The following LRRC4C variants were observed in gnomAD, a reference collection of about 807,000 sequenced individuals.
LRRC4C encodes leucine rich repeat containing 4C, also known as leucine-rich repeat-containing protein 4C.
A neutral mutation model predicts 33.6 loss-of-function variants in LRRC4C; 5 were observed. That is an observed-to-expected ratio of 0.15 (90% CI 0.08 to 0.31). The LOEUF (loss-of-function observed/expected upper bound fraction) is 0.31. Ranked by LOEUF, LRRC4C falls within the 10% of genes least tolerant of loss-of-function variation. LRRC4C has a pLI of 1.00. For missense variants in LRRC4C, 560 were observed against 796.7 expected (o/e 0.70, Z 3.58); for synonymous variants, 329 against 302.0 (o/e 1.09, Z -0.93).
rs77810794 is a variant in LRRC4C at position 40,859,389 on chromosome 11, G to C, written c.-407+74246C>G. Among the ~76,000 whole-genome samples, 225 of 152,108 alleles carry C rather than the reference G, an allele frequency of 1.5e-3. 2 individuals carry two copies. The highest frequency in any genetic ancestry group is 5.2e-3 in the African/African-American group (217 of 41,494). On this transcript the variant is annotated intron_variant, in intron 2 of 6. Transcript: ENST00000528697. ...TGAGAGGCTCGTAGACTTATGTATT[G>C]TATATCTAGCATGCAGTAGAAACTC...
At chr11:41,180,080 T>C (rs759941613) in intron 1 of LRRC4C, among the ~76,000 whole-genome samples, 20 of 152,240 alleles carry the variant, frequency 1.3e-4, no homozygotes, top group Non-Finnish European at 2.2e-4. Context: ...GAAAATCTAA[T>C]AGTTGAGTAG....
chr11:40,801,986 T>A (rs1951062484), intron 2 of LRRC4C, among the ~76,000 whole-genome samples: 1 of 152,212 alleles, frequency 6.6e-6, no homozygotes, highest in South Asian at 2.1e-4. Context: ...CAGGGAGGAC[T>A]AATACAGACT....
Position 41,239,722 on chromosome 11 carries a change from C to G in LRRC4C, c.-496+219709G>C, listed in dbSNP as rs112992171. Among the ~76,000 whole-genome samples the G allele has an allele frequency of 8.2e-4, 125 of 152,216 alleles. 1 individual carries two copies. Among genetic ancestry groups the G allele is most frequent in the Admixed American group, 1.8e-3 (28 of 15,296 alleles). On this transcript the variant is annotated intron_variant, in intron 1 of 6. Coordinates refer to ENST00000528697, the MANE Select transcript of LRRC4C (RefSeq NM_001258419.2). ...CTTTTGTTTTTCTCTTCCATTCCAA[C>G]AGAACATGAGTTCCAAGGTCAGGGA...
intron 3 of LRRC4C, among the ~76,000 whole-genome samples, chr11:40,437,806 C>T (rs543536346): frequency 1.2e-4 from 18 of 152,296 alleles, no homozygotes; most frequent in African/African-American, 3.4e-4. Context: ...CTTCCAGGTT[C>T]GAACAATTCT....
At chr11:40,219,233 C>G (rs752071807) in intron 5 of LRRC4C, among the ~76,000 whole-genome samples, 23 of 152,166 alleles carry the variant, frequency 1.5e-4, no homozygotes, top group Admixed American at 4.6e-4. Flanking sequence ...TTCAAGTATT[C>G]AATGGTCACC....
At chr11:40,952,894 A>ACT (rs1225735080) in intron 1 of LRRC4C, among the ~76,000 whole-genome samples, 21 of 51,078 alleles carry the variant, frequency 4.1e-4, no homozygotes, top group African/African-American at 1.0e-3. Flanking sequence ...ACACACACAC[A>ACT]CACTCTCTCT....
chr11:40,408,949 A>C (rs1950059733), intron 3 of LRRC4C, among the ~76,000 whole-genome samples: 1 of 151,988 alleles, frequency 6.6e-6, no homozygotes. Flanking sequence ...TGAATAGCCA[A>C]AGCAATCTTA....
chr11:40,218,734 T>TCTATCTAG (rs974934077), intron 5 of LRRC4C, among the ~76,000 whole-genome samples: 3 of 151,334 alleles, frequency 2.0e-5, no homozygotes, highest in Non-Finnish European at 4.4e-5. Context: ...TATCTATCTA[T>TCTATCTAG]CTATCTATCC....
intron 5 of LRRC4C, among the ~76,000 whole-genome samples, chr11:40,156,112 C>T (rs1858670887): frequency 6.6e-6 from 1 of 152,144 alleles, no homozygotes; most frequent in South Asian, 2.1e-4. Flanking sequence ...ACATGATCAT[C>T]TCAATACATG....
At position 40,309,773 on chromosome 11, in the gene LRRC4C, C is replaced by T. The variant is rs80322457; in HGVS notation, c.-176+9855G>A. 5.3e-3 allele frequency among the ~76,000 whole-genome samples: 806 copies of T among 152,260 alleles called. 5 individuals are homozygous for T. Among genetic ancestry groups the T allele is most frequent in the African/African-American group, 0.019 (774 of 41,550 alleles). On this transcript the variant is annotated intron_variant, in intron 4 of 6. Coordinates refer to ENST00000528697, the MANE Select transcript of LRRC4C (RefSeq NM_001258419.2). The stretch of plus-strand genomic sequence containing the variant: ...CCACCTTCCTGGACCTCCCAAAATG[C>T]TGGGATGACAGGCAAGAGACACCAT...
At chr11:40,492,008 A>G (rs1954184005) in intron 3 of LRRC4C, among the ~76,000 whole-genome samples, 1 of 152,150 alleles carries the variant, frequency 6.6e-6, no homozygotes, top group African/African-American at 2.4e-5. Context: ...TTGAATTGAC[A>G]CAGTTTATTA....
At chr11:41,253,579 T>C (rs1349803409) in intron 1 of LRRC4C, among the ~76,000 whole-genome samples, 1 of 152,112 alleles carries the variant, frequency 6.6e-6, no homozygotes, top group Non-Finnish European at 1.5e-5. Context: ...ACTGGTTTCT[T>C]GTCCCAGCTC....
intron 1 of LRRC4C, among the ~76,000 whole-genome samples, chr11:41,435,582 T>G: frequency 6.6e-6 from 1 of 152,224 alleles, no homozygotes; most frequent in Non-Finnish European, 1.5e-5. Flanking sequence ...AATGACTTGT[T>G]ACCAAAAGCT....
At chr11:41,055,362 A>T (rs1268186326) in intron 1 of LRRC4C, among the ~76,000 whole-genome samples, 1 of 152,142 alleles carries the variant, frequency 6.6e-6, no homozygotes, top group East Asian at 1.9e-4. Context: ...TTTACAAATA[A>T]AGCTATTATA....
chr11:41,172,338 T>C (rs552436290), intron 1 of LRRC4C, among the ~76,000 whole-genome samples: 21 of 152,178 alleles, frequency 1.4e-4, no homozygotes, highest in Admixed American at 2.0e-4. Flanking sequence ...CTGCATTTGC[T>C]TTCCTGACCT....
At chr11:40,242,970 T>A (rs1207786588) in intron 4 of LRRC4C, among the ~76,000 whole-genome samples, 1 of 152,104 alleles carries the variant, frequency 6.6e-6, no homozygotes, top group African/African-American at 2.4e-5. Context: ...TGAAAAAAAA[T>A]ATTCTTTGAA....
intron 5 of LRRC4C, among the ~76,000 whole-genome samples, chr11:40,233,207 C>T (rs562184787): frequency 1.3e-5 from 2 of 152,258 alleles, no homozygotes; most frequent in Admixed American, 6.5e-5. Context: ...TTCCACTTAA[C>T]AATCAATTCC....
chr11:41,260,167 A>G (rs915018264), intron 1 of LRRC4C, among the ~76,000 whole-genome samples: 1 of 152,034 alleles, frequency 6.6e-6, no homozygotes, highest in African/African-American at 2.4e-5. Flanking sequence ...CTACTTGTTT[A>G]TAACTTTCTT....
intron 1 of LRRC4C, among the ~76,000 whole-genome samples, chr11:41,046,117 A>C (rs1857760975): frequency 6.6e-6 from 1 of 152,158 alleles, no homozygotes; most frequent in Admixed American, 6.5e-5. Context: ...TTGTATGCTT[A>C]ATTTTTTCTT....
Sources: gnomAD v4.1 joint callset for allele counts (sites outside exome capture counted in the v4.1 genomes callset) on GRCh38, gnomAD v4.1.1 for gene constraint, MANE v1.5 for transcripts, NCBI Gene and HGNC (gene_info 2026-07-23, HGNC 2026-07-21) for gene names.